The following PDILT variants were observed in gnomAD, a reference collection of about 807,000 sequenced individuals.
The protein encoded by PDILT is protein disulfide-isomerase-like protein of the testis.
In PDILT, 43 loss-of-function variants were observed where a neutral mutation model predicts 53.7. The ratio of observed to expected loss-of-function variants is 0.80; its 90% CI spans 0.63 to 1.03. PDILT has a LOEUF of 1.03. Ranked by LOEUF, PDILT falls within the 50% of genes least tolerant of loss-of-function variation. The probability of loss-of-function intolerance (pLI) is 0.00; values close to 1 mark genes in which losing one functional copy is unlikely to be tolerated. For synonymous variants in PDILT, 282 were observed against 274.2 expected (o/e 1.03, Z -0.28); for missense variants, 727 against 712.3 (o/e 1.02, Z -0.24).
At chr16:20,394,760 G>A (rs762134477) in intron 2 of PDILT, among the ~76,000 whole-genome samples, 2 of 152,310 alleles carry the variant, frequency 1.3e-5, no homozygotes, top group East Asian at 1.9e-4. Context: ...GCACATCCTC[G>A]TCTCCCTCCC....
intron 2 of PDILT, among the ~76,000 whole-genome samples, chr16:20,394,925 T>C (rs996351919): frequency 2.0e-5 from 3 of 152,242 alleles, no homozygotes; most frequent in Non-Finnish European, 4.4e-5. Context: ...TGGACCCTTA[T>C]GAACCTAGAT....
chr16:20,373,187 T>C (rs1347529548), intron 5 of PDILT, 65 bp from the exon 6 acceptor site: 28 of 1,292,148 alleles, frequency 2.2e-5, no homozygotes, highest in African/African-American at 3.0e-5. Flanking sequence ...TTAATAAATA[T>C]AAATAGCACA....
At chr16:20,380,821 A>T (rs140004954) in intron 3 of PDILT, among the ~76,000 whole-genome samples, 10 of 152,276 alleles carry the variant, frequency 6.6e-5, no homozygotes, top group African/African-American at 2.4e-4. Flanking sequence ...GGCTTGAGGA[A>T]ACTTGATCTT....
intron 2 of PDILT, among the ~76,000 whole-genome samples, chr16:20,396,977 A>G (rs1966669745): frequency 6.6e-6 from 1 of 152,210 alleles, no homozygotes; most frequent in Non-Finnish European, 1.5e-5. Flanking sequence ...AGGAATTATT[A>G]ACCTTGTTGT....
intron 2 of PDILT, among the ~76,000 whole-genome samples, chr16:20,392,805 G>A (rs530038678): frequency 2.6e-5 from 4 of 152,272 alleles, no homozygotes; most frequent in African/African-American, 4.8e-5. Context: ...AAATTGATTG[G>A]TTCCCTCTGT....
chr16:20,399,417 G>T, intron 1 of PDILT, 110 bp from the exon 2 acceptor site: 1 of 1,161,364 alleles, frequency 8.6e-7, no homozygotes, highest in Non-Finnish European at 1.2e-6. Context: ...AATGTGGCCT[G>T]AGCATTGCCT....
intron 10 of PDILT, among the ~76,000 whole-genome samples, chr16:20,361,255 A>G (rs1966097242): frequency 7.2e-6 from 1 of 139,204 alleles, no homozygotes; most frequent in Admixed American, 7.9e-5. Flanking sequence ...GCGTGATCTC[A>G]GCTCACTGCA....
chr16:20,367,656 A>G (rs1039466870), intron 8 of PDILT, among the ~76,000 whole-genome samples: 1 of 152,164 alleles, frequency 6.6e-6, no homozygotes, highest in Non-Finnish European at 1.5e-5. Flanking sequence ...GAAAGTGAGG[A>G]GGCCTCCAAT....
intron 2 of PDILT, among the ~76,000 whole-genome samples, chr16:20,396,398 G>A (rs1315429371): frequency 6.6e-6 from 1 of 152,212 alleles, no homozygotes; most frequent in Non-Finnish European, 1.5e-5. Flanking sequence ...TGCTTGGCAT[G>A]AGGTCTTTGA....
At chr16:20,368,569 C>T (rs952605196) in intron 8 of PDILT, among the ~76,000 whole-genome samples, 3 of 151,146 alleles carry the variant, frequency 2.0e-5, no homozygotes, top group Non-Finnish European at 4.4e-5. Flanking sequence ...TGTCTGGAGT[C>T]TCGATTTACT....
At chr16:20,397,072 C>T (rs1966671187) in intron 2 of PDILT, among the ~76,000 whole-genome samples, 1 of 152,194 alleles carries the variant, frequency 6.6e-6, no homozygotes, top group Non-Finnish European at 1.5e-5. Flanking sequence ...CTGTGCTAAG[C>T]ACATTATTTC....
intron 9 of PDILT, 70 bp from the exon 10 acceptor site, chr16:20,362,652 T>TGCCATGTGTA: frequency 6.9e-7 from 1 of 1,459,292 alleles, no homozygotes; most frequent in Non-Finnish European, 9.5e-7. Flanking sequence ...ACCCTACACA[T>TGCCATGTGTA]GGCATCGCTG....
At chr16:20,396,174 TA>T (rs1319495272) in intron 2 of PDILT, among the ~76,000 whole-genome samples, 3 of 152,238 alleles carry the variant, frequency 2.0e-5, no homozygotes, top group Non-Finnish European at 4.4e-5. Context: ...TTAATCCCTA[TA>T]ATGACTATAC....
At chr16:20,386,189 A>G (rs1021217498) in intron 2 of PDILT, among the ~76,000 whole-genome samples, 1 of 151,962 alleles carries the variant, frequency 6.6e-6, no homozygotes, top group East Asian at 1.9e-4. Context: ...CTTTTCTGGA[A>G]GCGGTATCAG....
At chr16:20,372,682 G>A in intron 7 of PDILT, 120 bp downstream of exon 7, 2 of 1,204,068 alleles carry the variant, frequency 1.7e-6, no homozygotes, top group Non-Finnish European at 2.3e-6. Flanking sequence ...ACAGGCAATT[G>A]CAAGTGCCAA....
At chr16:20,374,779 T>C (rs1423793002) in intron 5 of PDILT, 43 bp downstream of exon 5, 6 of 1,580,672 alleles carry the variant, frequency 3.8e-6, no homozygotes, top group Non-Finnish European at 5.2e-6. Context: ...TTCCACTACT[T>C]TGAACCAGAG....
intron 2 of PDILT, chr16:20,388,749 C>CA (rs1311274407): frequency 6.6e-6 from 1 of 152,016 alleles, no homozygotes; most frequent in Non-Finnish European, 1.5e-5. Flanking sequence ...CCCGTCTCTA[C>CA]AAAAAATACA....
chr16:20,371,703 A>T (rs1966308199), intron 7 of PDILT, among the ~76,000 whole-genome samples: 1 of 152,170 alleles, frequency 6.6e-6, no homozygotes, highest in Non-Finnish European at 1.5e-5. Flanking sequence ...TACCAGGGAG[A>T]TTGAAGAGTT....
At chr16:20,366,351 T>C (rs959822053) in intron 8 of PDILT, among the ~76,000 whole-genome samples, 14 of 152,100 alleles carry the variant, frequency 9.2e-5, no homozygotes, top group African/African-American at 3.4e-4. Flanking sequence ...CCCTTCTTCA[T>C]CTGGGTAACT....
Sources: gnomAD v4.1 joint callset for allele counts (sites outside exome capture counted in the v4.1 genomes callset) on GRCh38, gnomAD v4.1.1 for gene constraint, MANE v1.5 for transcripts, NCBI Gene and HGNC (gene_info 2026-07-23, HGNC 2026-07-21) for gene names.